Variants in COX10 observed in about 807,000 individuals in gnomAD.
COX10 encodes cytochrome c oxidase assembly factor heme A:farnesyltransferase COX10.
Under a neutral mutation model 37.3 loss-of-function variants are expected in COX10, and 27 were observed. That is an observed-to-expected ratio of 0.72 (90% CI 0.53 to 1.00). The LOEUF (loss-of-function observed/expected upper bound fraction) is 1.00, where lower values mean the gene tolerates loss of function less well. Ranked by LOEUF, COX10 falls within the 50% of genes least tolerant of loss-of-function variation. The pLI, the probability that COX10 is intolerant of heterozygous loss-of-function variation, is 0.00. For missense variants in COX10, 475 were observed against 563.2 expected, an observed-to-expected ratio of 0.84 and a Z score of 1.59; for synonymous variants, 222 against 229.1, an observed-to-expected ratio of 0.97 and a Z score of 0.28.
chr17:14,104,534 A>C (rs1485610581), intron 4 of COX10, among the ~76,000 whole-genome samples: 2 of 152,180 alleles, frequency 1.3e-5, no homozygotes, highest in Non-Finnish European at 2.9e-5. Flanking sequence ...AATTAAAAAT[A>C]CATATATGCG....
chr17:14,152,750 C>T (rs1419123092), intron 4 of COX10, among the ~76,000 whole-genome samples: 4 of 152,166 alleles, frequency 2.6e-5, no homozygotes, highest in African/African-American at 7.2e-5. Context: ...TTCTAAACAT[C>T]GGACTTTGAT....
intron 2 of COX10, among the ~76,000 whole-genome samples, chr17:14,075,223 A>G (rs997444814): frequency 2.0e-5 from 3 of 152,234 alleles, no homozygotes; most frequent in African/African-American, 7.2e-5. Flanking sequence ...AGAAATGTTC[A>G]GGCTTTTTAA....
intron 1 of COX10, among the ~76,000 whole-genome samples, chr17:14,073,631 G>A (rs185482915): frequency 6.6e-6 from 1 of 152,302 alleles, no homozygotes; most frequent in East Asian, 1.9e-4. Flanking sequence ...AGCAAGAATA[G>A]ACACCATCTG....
Position 14,206,811 on chromosome 17 carries a change from C to G in COX10, c.930C>G (p.Gly310=). The G allele has an allele frequency of 1.2e-6, 2 of 1,614,108 alleles. No homozygotes were observed. The highest frequency in any genetic ancestry group is 2.2e-5 in the South Asian group (2 of 91,088). The stretch of plus-strand genomic sequence containing the variant: ...TCTCCTTCCCTGACCCCCGCACAGG[C>G]GCATTTCTCCTGGGAGGAATCCTCT... ...WTAATGSLDA[G]AFLLGGILYS... is the part of the protein sequence containing the mutation. Residue 310 remains glycine, a splice_region_variant and synonymous_variant, in exon 7 of 7, where the codon GGC becomes GGG. Transcript: ENST00000261643.
At chr17:14,135,742 A>G (rs944479443) in intron 4 of COX10, among the ~76,000 whole-genome samples, 1 of 151,936 alleles carries the variant, frequency 6.6e-6, no homozygotes, top group Non-Finnish European at 1.5e-5. Context: ...TACGTAACCT[A>G]TTGGAATTTT....
chr17:14,111,828 T>A (rs1376895862), intron 4 of COX10, among the ~76,000 whole-genome samples: 1 of 152,126 alleles, frequency 6.6e-6, no homozygotes, highest in African/African-American at 2.4e-5. Context: ...GCTGAAGATA[T>A]GTGGATAAAG....
At chr17:14,192,308 C>T in intron 6 of COX10, 87 bp downstream of exon 6, 2 of 1,613,808 alleles carry the variant, frequency 1.2e-6, no homozygotes, top group Non-Finnish European at 1.7e-6. Context: ...TGGTTCGATT[C>T]CATTCCATCC....
At chr17:14,084,875 G>A (rs1251826902) in intron 3 of COX10, among the ~76,000 whole-genome samples, 1 of 152,104 alleles carries the variant, frequency 6.6e-6, no homozygotes, top group Non-Finnish European at 1.5e-5. Flanking sequence ...GGCCAGGCTG[G>A]TCTTGAACTC....
chr17:14,175,975 A>C (rs1905675812), intron 5 of COX10, among the ~76,000 whole-genome samples: 1 of 152,184 alleles, frequency 6.6e-6, no homozygotes, highest in Admixed American at 6.5e-5. Context: ...GTGCAGTGGG[A>C]GAAGCCAGAA....
chr17:14,075,504 AAGAG>A (rs1285731798), intron 2 of COX10, among the ~76,000 whole-genome samples: 1 of 152,190 alleles, frequency 6.6e-6, no homozygotes, highest in African/African-American at 2.4e-5. Context: ...CTGTAAGTTA[AAGAG>A]AGAGAAAGAG....
intron 4 of COX10, among the ~76,000 whole-genome samples, chr17:14,122,374 A>G (rs1916249238): frequency 6.6e-6 from 1 of 152,170 alleles, no homozygotes; most frequent in Admixed American, 6.6e-5. Context: ...ATCCCCGTCA[A>G]CCAACTAAAT....
intron 5 of COX10, among the ~76,000 whole-genome samples, chr17:14,189,914 GA>G (rs1263579910): frequency 1.3e-5 from 2 of 152,152 alleles, no homozygotes; most frequent in African/African-American, 4.8e-5. Context: ...GAAATATGAA[GA>G]AAGTAATTTA....
At chr17:14,186,410 T>TA (rs1306013583) in intron 5 of COX10, among the ~76,000 whole-genome samples, 1 of 151,872 alleles carries the variant, frequency 6.6e-6, no homozygotes, top group Admixed American at 6.6e-5. Context: ...GCAACTCTCT[T>TA]CTCCACCCTT....
At chr17:14,205,727 A>G (rs1906679506) in intron 6 of COX10, among the ~76,000 whole-genome samples, 1 of 152,072 alleles carries the variant, frequency 6.6e-6, no homozygotes, top group Non-Finnish European at 1.5e-5. Flanking sequence ...CTTGTTTTGA[A>G]TTGCTCTTCC....
At chr17:14,166,175 A>AC (rs1390158198) in intron 5 of COX10, among the ~76,000 whole-genome samples, 28 of 152,196 alleles carry the variant, frequency 1.8e-4, no homozygotes, top group Admixed American at 1.8e-3. Flanking sequence ...AGACGAGACA[A>AC]CCCTCTATTG....
At chr17:14,206,738 A>G (rs951437157) in intron 6 of COX10, 72 bp from the exon 7 acceptor site, 113 of 1,592,338 alleles carry the variant, frequency 7.1e-5, no homozygotes, top group Middle Eastern at 1.7e-4. Context: ...CTCCCAGGAG[A>G]GGAAACCATT....
intron 4 of COX10, among the ~76,000 whole-genome samples, chr17:14,107,677 A>T (rs934083344): frequency 9.9e-5 from 15 of 151,906 alleles, no homozygotes; most frequent in Non-Finnish European, 1.6e-4. Flanking sequence ...TTTTACACAC[A>T]CACACACACA....
rs1161114380 is a variant in COX10 at position 14,181,903 on chromosome 17, T to C, written c.696-10086T>C. 1.8e-5 allele frequency: 13 copies of C among 713,444 alleles called. No individual in the cohort carries two copies. The Admixed American group carries it at 7.5e-4, about 41-fold the overall frequency. 44.2% of individuals were successfully genotyped at this position (713,444 alleles called of 1,614,324 possible). A position where few individuals can be genotyped will look rare whatever the true frequency, so the allele number is the denominator to read the frequency against. On this transcript the variant is annotated intron_variant, in intron 5 of 6. Transcript: ENST00000261643. ...CAAATTACCCTTAATTTAAGATGAA[T>C]TGGTGTAGCATAATTCAGGGGTCAC...
intron 6 of COX10, among the ~76,000 whole-genome samples, chr17:14,206,187 A>G (rs918675533): frequency 6.6e-6 from 1 of 152,068 alleles, no homozygotes; most frequent in Admixed American, 6.6e-5. Flanking sequence ...CTGCAGGTAC[A>G]TCCGGCTCTG....
Sources: gnomAD v4.1 joint callset for allele counts (sites outside exome capture counted in the v4.1 genomes callset) on GRCh38, gnomAD v4.1.1 for gene constraint, MANE v1.5 for transcripts, NCBI Gene and HGNC (gene_info 2026-07-23, HGNC 2026-07-21) for gene names.